GNB5: variants seen among roughly 807,000 people sequenced by gnomAD.
GNB5 encodes the protein guanine nucleotide-binding protein subunit beta-5.
GNB5 carries 37 observed loss-of-function variants against 55.3 expected under a neutral mutation model. The observed-to-expected ratio is 0.67, with a 90% CI of 0.51 to 0.88. GNB5 has a LOEUF of 0.88. Among genes scored for constraint, GNB5 ranks in the 40% least tolerant of loss-of-function variants. The probability of loss-of-function intolerance (pLI) is 0.00; values close to 1 mark genes in which losing one functional copy is unlikely to be tolerated. For synonymous variants in GNB5, 219 were observed against 198.5 expected (o/e 1.10, Z -0.87); for missense variants, 476 against 515.3 (o/e 0.92, Z 0.74).
Position 52,117,867 on chromosome 15 carries a change from C to T in GNB5, c.*4890G>A, listed in dbSNP as rs886751145. On this transcript the variant is annotated 3_prime_UTR_variant, in exon 13 of 13. Transcript: ENST00000261837. Reference sequence around the variant, plus strand: ...GGGCCCTGAAGGCGCAGTGCAGGAACCTGCCATGGGTGGGACGATTCTTCT... The same window carrying T: ...GGGCCCTGAAGGCGCAGTGCAGGAATCTGCCATGGGTGGGACGATTCTTCT... 1 of 152,414 alleles carries T rather than the reference C, an allele frequency of 6.6e-6. No homozygotes were observed. Among genetic ancestry groups the T allele is most frequent in the Non-Finnish European group, 1.5e-5 (1 of 68,160 alleles). The allele number at this position is 152,414 out of a possible 1,614,324, so 9.4% of individuals were successfully genotyped here.
intron 1 of GNB5, among the ~76,000 whole-genome samples, chr15:52,190,938 G>A (rs894589735): frequency 6.6e-6 from 1 of 152,096 alleles, no homozygotes; most frequent in Non-Finnish European, 1.5e-5. Context: ...CACACAATGT[G>A]GATGTATCTC....
intron 3 of GNB5, among the ~76,000 whole-genome samples, chr15:52,171,342 A>C (rs907177627): frequency 1.3e-5 from 2 of 152,202 alleles, no homozygotes; most frequent in African/African-American, 4.8e-5. Context: ...TAAGCTTATA[A>C]ATATATACAC....
chr15:52,124,886 C>T (rs1311508448), intron 11 of GNB5: 4 of 364,082 alleles, frequency 1.1e-5, no homozygotes, highest in Non-Finnish European at 1.5e-5. Context: ...GCTTTACACA[C>T]GTAAAGTGCT....
chr15:52,128,391 T>C, intron 9 of GNB5, 147 bp from the exon 10 acceptor site: 1 of 646,010 alleles, frequency 1.5e-6, no homozygotes, highest in Non-Finnish European at 2.8e-6. Flanking sequence ...AGCTCCTATG[T>C]CAGGCCCACT....
At chr15:52,152,136 G>T (rs958139259) in intron 4 of GNB5, among the ~76,000 whole-genome samples, 1 of 149,998 alleles carries the variant, frequency 6.7e-6, no homozygotes, top group Admixed American at 6.7e-5. Context: ...ATCTAGGAGA[G>T]TAATAACATT....
rs1442235194 is a variant in GNB5, at chr15:52,138,323, C to T, written c.628-2567G>A. The T allele has an allele frequency of 7.2e-5, 14 of 195,206 alleles. 1 individual carries two copies. The Admixed American group carries it at 8.1e-4, about 11-fold the overall frequency. 12.1% of individuals were successfully genotyped at this position (195,206 alleles called of 1,614,324 possible). On this transcript the variant is annotated intron_variant, in intron 7 of 12. Coordinates refer to ENST00000261837, the MANE Select transcript of GNB5 (RefSeq NM_016194.4). ...GCTTGAACCTGGGAGGCGGAGGTTG[C>T]AGTGAGCTGAGATCACGCCACTGTA... is the stretch of plus-strand genomic sequence containing the variant.
At chr15:52,180,036 G>A in intron 2 of GNB5, 157 bp from the exon 3 acceptor site, 1 of 987,936 alleles carries the variant, frequency 1.0e-6, no homozygotes, top group Non-Finnish European at 1.3e-6. Context: ...TGCTGCGCCT[G>A]AGCCCCAAGA....
At chr15:52,137,822 G>C (rs554888486) in intron 7 of GNB5, 31 of 1,280,176 alleles carry the variant, frequency 2.4e-5, no homozygotes, top group South Asian at 1.5e-4. Context: ...ACCTGCAAGG[G>C]AGAAGCTCTC....
rs2033145345 is a variant in GNB5, at chr15:52,116,617, C to T, written c.*6140G>A. On this transcript the variant is annotated 3_prime_UTR_variant, in exon 13 of 13. Coordinates refer to ENST00000261837, the MANE Select transcript of GNB5 (RefSeq NM_016194.4). The stretch of plus-strand genomic sequence containing the variant: ...AGTTGTTAGAATTCAAATAGAGTCA[C>T]TAGTGTTTTAAAAAAACAAACCATG... The T allele has an allele frequency of 1.3e-5, 2 of 152,062 alleles. No homozygotes were observed. Among genetic ancestry groups the T allele is most frequent in the African/African-American group, 2.4e-5 (1 of 41,390 alleles). 9.4% of individuals were successfully genotyped at this position (152,062 alleles called of 1,614,324 possible). A position where few individuals can be genotyped will look rare whatever the true frequency, so the allele number is the denominator to read the frequency against.
At chr15:52,142,090 A>G (rs994602636) in intron 6 of GNB5, among the ~76,000 whole-genome samples, 8 of 152,216 alleles carry the variant, frequency 5.3e-5, no homozygotes, top group African/African-American at 1.4e-4. Flanking sequence ...CATTTTGCCA[A>G]TAAGAGTATC....
chr15:52,147,617 C>T (rs925872540), intron 5 of GNB5, 82 bp from the exon 6 acceptor site: 41 of 674,946 alleles, frequency 6.1e-5, no homozygotes, highest in Non-Finnish European at 8.4e-5. Context: ...GATGGAGTCT[C>T]ACTCTGTTGC....
At position 52,129,505 on chromosome 15, in the gene GNB5, T is replaced by C. The variant is rs148660856; in HGVS notation, c.864-1261A>G. The stretch of plus-strand genomic sequence containing the variant: ...CTCTGCCCCAGTCAGTCCATCACAG[T>C]GTGGGCACATTATATTTTTGAAAGC... On this transcript the variant is annotated intron_variant, in intron 9 of 12. Coordinates refer to ENST00000261837, the MANE Select transcript of GNB5 (RefSeq NM_016194.4). 3.3e-5 allele frequency among the ~76,000 whole-genome samples: 5 copies of C among 152,288 alleles called. No individual in the cohort carries two copies. The East Asian group carries it at 9.7e-4, about 29-fold the overall frequency.
intron 4 of GNB5, among the ~76,000 whole-genome samples, chr15:52,152,063 G>C (rs745308901): frequency 4.6e-5 from 7 of 151,638 alleles, no homozygotes; most frequent in Non-Finnish European, 1.0e-4. Flanking sequence ...ATACATAAGT[G>C]ATAAATTTAT....
intron 6 of GNB5, among the ~76,000 whole-genome samples, chr15:52,146,883 C>T (rs12441074): frequency 0.26 from 38,773 of 151,212 alleles, 5,481 homozygotes; most frequent in African/African-American, 0.37. Context: ...ACGCCTGGTA[C>T]TTTTTGCTTC....
chr15:52,161,095 C>G (rs2034321813), intron 3 of GNB5, among the ~76,000 whole-genome samples: 1 of 152,184 alleles, frequency 6.6e-6, no homozygotes, highest in African/African-American at 2.4e-5. Flanking sequence ...GGCTTTATCT[C>G]CATTTCTACA....
chr15:52,189,674 TCCA>T (rs138027986), intron 1 of GNB5, among the ~76,000 whole-genome samples: 2,385 of 152,302 alleles, frequency 0.016, 59 homozygotes, highest in African/African-American at 0.056. Flanking sequence ...AACCCAAGTG[TCCA>T]CCAACCGACA....
rs147563266 is a variant in GNB5, at chr15:52,127,574, A to C, written c.912+622T>G. The stretch of plus-strand genomic sequence containing the variant: ...AGAAGTTTTAAATTTTCATTATTTC[A>C]AAACTCTCAATCTATTCTTTTGTAA... On this transcript the variant is annotated intron_variant, in intron 10 of 12. Transcript: ENST00000261837. Among the ~76,000 whole-genome samples, 220 of 152,242 alleles carry C rather than the reference A, an allele frequency of 1.4e-3. 1 individual carries two copies. Among genetic ancestry groups the C allele is most frequent in the African/African-American group, 5.2e-3 (217 of 41,564 alleles).
chr15:52,190,740 G>A lies in GNB5; in HGVS notation c.-19+582C>T, dbSNP rs560192241. ...AGTCTATGACCAGGCAATTCTACTC[G>A]TGCATACATACACCACAGAAAATAA... On this transcript the variant is annotated intron_variant, in intron 1 of 12. Transcript: ENST00000261837. Among the ~76,000 whole-genome samples the A allele has an allele frequency of 1.8e-4, 25 of 139,074 alleles. No homozygotes were observed. The South Asian group carries it at 2.7e-3, about 15-fold the overall frequency. The allele number at this position is 139,074 out of a possible 152,430, so 91.2% of individuals were successfully genotyped here.
At chr15:52,153,813 C>T (rs909096027) in intron 4 of GNB5, 127 bp downstream of exon 4, 5 of 766,042 alleles carry the variant, frequency 6.5e-6, no homozygotes, top group Non-Finnish European at 1.1e-5. Context: ...TATGCTAAAT[C>T]ACATCCTTTG....
Sources: gnomAD v4.1 joint callset for allele counts (sites outside exome capture counted in the v4.1 genomes callset) on GRCh38, gnomAD v4.1.1 for gene constraint, MANE v1.5 for transcripts, NCBI Gene and HGNC (gene_info 2026-07-23, HGNC 2026-07-21) for gene names.